The following C3orf38 variants were observed in gnomAD, a reference collection of about 807,000 sequenced individuals.
C3orf38 encodes chromosome 3 open reading frame 38.
C3orf38 carries 18 observed loss-of-function variants against 28.3 expected under a neutral mutation model. That is an observed-to-expected ratio of 0.64 (90% CI 0.44 to 0.94). The LOEUF (loss-of-function observed/expected upper bound fraction) is 0.94. Among genes scored for constraint, C3orf38 ranks in the 40% least tolerant of loss-of-function variants. C3orf38 has a pLI of 0.00. For missense variants in C3orf38, 364 were observed against 396.4 expected (o/e 0.92, Z 0.69); for synonymous variants, 145 against 138.1 (o/e 1.05, Z -0.35).
Position 88,156,663 on chromosome 3 carries a change from A to G in C3orf38, c.*28A>G. The G allele has an allele frequency of 5.0e-6, 8 of 1,591,530 alleles. No individual in the cohort carries two copies. The highest frequency in any genetic ancestry group is 6.8e-6 in the Non-Finnish European group (8 of 1,170,540). ...TAGTGGAAATGAGACATTGCTGAACAAAAGAGAACTGGGTTTACCTGACCC... is the reference window on the plus strand; with the variant it reads ...TAGTGGAAATGAGACATTGCTGAACGAAAGAGAACTGGGTTTACCTGACCC... On this transcript the variant is annotated 3_prime_UTR_variant, in exon 3 of 3. Coordinates refer to ENST00000318887, the MANE Select transcript of C3orf38 (RefSeq NM_173824.4).
At position 88,156,074 on chromosome 3, in the gene C3orf38, A is replaced by G. The variant is rs777303100; in HGVS notation, c.429A>G (p.Glu143=). Residue 143 remains glutamate, a synonymous_variant, in exon 3 of 3, where the codon GAA becomes GAG. Transcript: ENST00000318887. ...AAGTTGATTTTCGTCGCCTAGGAGA[A>G]GAATTCTGTCATTGGTTCTTTGGAC... ...AEKVDFRRLG[E]EFCHWFFGLL... 1 of 1,572,412 alleles carries G rather than the reference A, an allele frequency of 6.4e-7. No homozygotes were observed. The highest frequency in any genetic ancestry group is 8.6e-7 in the Non-Finnish European group (1 of 1,162,802).
intron 2 of C3orf38, among the ~76,000 whole-genome samples, chr3:88,155,151 C>T (rs901869969): frequency 4.6e-5 from 7 of 151,982 alleles, no homozygotes; most frequent in African/African-American, 7.3e-5. Context: ...TGAACCACCA[C>T]GCCCAGCTTA....
In C3orf38 at chr3:88,150,050, G is replaced by C; in HGVS notation, c.-3G>C. The C allele has an allele frequency of 6.2e-7, 1 of 1,614,190 alleles. No homozygotes were observed. The highest frequency in any genetic ancestry group is 1.1e-5 in the South Asian group (1 of 91,084). On this transcript the variant is annotated 5_prime_UTR_variant, in exon 1 of 3. Transcript: ENST00000318887. ...CCGTTGTCTTTCCCCCCCAGTCCCGGGGATGGAGATGTCGGGACTCAGCTT... is the reference window on the plus strand; with the variant it reads ...CCGTTGTCTTTCCCCCCCAGTCCCGCGGATGGAGATGTCGGGACTCAGCTT...
chr3:88,154,348 C>A (rs984489137), intron 2 of C3orf38, among the ~76,000 whole-genome samples: 3 of 149,778 alleles, frequency 2.0e-5, no homozygotes, highest in Non-Finnish European at 3.0e-5. Flanking sequence ...CCCCCGCCCC[C>A]ACATTGGAAC....
intron 2 of C3orf38, among the ~76,000 whole-genome samples, chr3:88,154,257 A>G (rs1310476400): frequency 2.0e-5 from 3 of 152,180 alleles, no homozygotes; most frequent in African/African-American, 4.8e-5. Flanking sequence ...ATAGGTAAAC[A>G]TGTGCCATGG....
At chr3:88,154,580 A>C (rs550741950) in intron 2 of C3orf38, among the ~76,000 whole-genome samples, 1 of 152,330 alleles carries the variant, frequency 6.6e-6, no homozygotes, top group East Asian at 1.9e-4. Context: ...ACAGTGAGAA[A>C]GCTTTGCCTT....
rs1553702736 is a variant in C3orf38, at chr3:88,150,032, C to CG, written c.-21_-20insG. 6.6e-7 allele frequency: 1 copy of CG among 1,523,722 alleles called. No homozygotes were observed. Among genetic ancestry groups the CG allele is most frequent in the East Asian group, 2.4e-5 (1 of 41,128 alleles). The allele number at this position is 1,523,722 out of a possible 1,614,324, so 94.4% of individuals were successfully genotyped here. On this transcript the variant is annotated 5_prime_UTR_variant, in exon 1 of 3. Coordinates refer to ENST00000318887, the MANE Select transcript of C3orf38 (RefSeq NM_173824.4). ...GTAGGGGCGACATTGTTGCCGTTGT[C>CG]TTTCCCCCCCAGTCCCGGGGATGGA...
At position 88,150,201 on chromosome 3, in the gene C3orf38, T is replaced by C; in HGVS notation, c.133+16T>C. The C allele has an allele frequency of 6.2e-7, 1 of 1,612,900 alleles. No homozygotes were observed. The highest frequency in any genetic ancestry group is 1.1e-5 in the South Asian group (1 of 91,070). On this transcript the variant is annotated intron_variant, in intron 1 of 2. Coordinates refer to ENST00000318887, the MANE Select transcript of C3orf38 (RefSeq NM_173824.4). Reference sequence around the variant, plus strand: ...GACCGCCAAGGTAAGGGCGGACCCTTCACCTAGAAGGCTGCCGCCCCTTCC... The same window carrying C: ...GACCGCCAAGGTAAGGGCGGACCCTCCACCTAGAAGGCTGCCGCCCCTTCC...
intron 1 of C3orf38, 85 bp downstream of exon 1, chr3:88,150,270 T>C (rs1707389114): frequency 2.0e-6 from 3 of 1,511,154 alleles, no homozygotes; most frequent in East Asian, 2.3e-5. Context: ...CTCGGGAATG[T>C]TGGCCGCAGC....
At chr3:88,151,022 T>C (rs1175614586) in intron 1 of C3orf38, 7 of 152,246 alleles carry the variant, frequency 4.6e-5, no homozygotes, top group African/African-American at 1.4e-4. Flanking sequence ...TTTAGACTTA[T>C]ATGGTTCTTC....
At chr3:88,153,049 A>G (rs1437340567) in intron 1 of C3orf38, among the ~76,000 whole-genome samples, 181 bp from the exon 2 acceptor site, 2 of 152,338 alleles carry the variant, frequency 1.3e-5, no homozygotes, top group East Asian at 1.9e-4. Context: ...AGTTTAAGGC[A>G]TAAAGATGTT....
In C3orf38 at chr3:88,151,863, A is replaced by G. The variant is rs1409867502; in HGVS notation, c.134-1367A>G. ...TTTATAGCACAATTTAAAACATACC[A>G]AACTAAATATAGTTCAGGGATACAT... is the stretch of plus-strand genomic sequence containing the variant. On this transcript the variant is annotated intron_variant, in intron 1 of 2. Transcript: ENST00000318887. Among the ~76,000 whole-genome samples the G allele has an allele frequency of 3.3e-5, 5 of 152,242 alleles. No individual in the cohort carries two copies. In the South Asian group the frequency reaches 6.2e-4, roughly 19 times the overall value.
chr3:88,153,216 CA>C lies in C3orf38; in HGVS notation c.134-12del, dbSNP rs1168514087. 1.3e-6 allele frequency: 2 copies of C among 1,595,176 alleles called. No individual in the cohort carries two copies. Among genetic ancestry groups the C allele is most frequent in the Admixed American group, 1.8e-5 (1 of 54,618 alleles). On this transcript the variant is annotated splice_polypyrimidine_tract_variant and intron_variant, in intron 1 of 2. Coordinates refer to ENST00000318887, the MANE Select transcript of C3orf38 (RefSeq NM_173824.4). ...CCTCATGATTTTTTATTAATCTTTG[CA>C]ATTTCTTTCTAGATGCTGTTCATGC...
In C3orf38 at chr3:88,150,040, C is replaced by CT. The variant is rs540851058; in HGVS notation, c.-13_-12insT. On this transcript the variant is annotated 5_prime_UTR_variant, in exon 1 of 3. Transcript: ENST00000318887. ...GACATTGTTGCCGTTGTCTTTCCCC[C>CT]CCAGTCCCGGGGATGGAGATGTCGG... 3 of 1,614,078 alleles carry CT rather than the reference C, an allele frequency of 1.9e-6. No individual in the cohort carries two copies. The highest frequency in any genetic ancestry group is 1.7e-4 in the Middle Eastern group (1 of 6,060).
At chr3:88,154,694 A>G (rs1296326204) in intron 2 of C3orf38, among the ~76,000 whole-genome samples, 8 of 152,200 alleles carry the variant, frequency 5.3e-5, no homozygotes, top group Non-Finnish European at 1.2e-4. Flanking sequence ...TCTGCAATAT[A>G]CTAGGTGTGT....
intron 1 of C3orf38, 32 bp downstream of exon 1, chr3:88,150,217 C>T (rs980078735): frequency 5.6e-6 from 9 of 1,610,542 alleles, no homozygotes; most frequent in African/African-American, 2.7e-5. Flanking sequence ...AGAAGGCTGC[C>T]GCCCCTTCCC....
intron 1 of C3orf38, among the ~76,000 whole-genome samples, chr3:88,152,716 C>CTG (rs1375174112): frequency 6.7e-6 from 1 of 150,310 alleles, no homozygotes; most frequent in Admixed American, 6.6e-5. Context: ...GATCGCACCC[C>CTG]TGTGCTCCAG....
At chr3:88,150,297 T>G in intron 1 of C3orf38, 112 bp downstream of exon 1, 4 of 1,296,688 alleles carry the variant, frequency 3.1e-6, no homozygotes, top group East Asian at 2.5e-5. Flanking sequence ...TCCACAGCTC[T>G]GGAACCACTA....
intron 2 of C3orf38, 49 bp downstream of exon 2, chr3:88,153,520 CT>C (rs753868187): frequency 6.3e-7 from 1 of 1,590,716 alleles, no homozygotes; most frequent in Admixed American, 1.8e-5. Flanking sequence ...CTGTCTGAAA[CT>C]TTGTTGATAA....
Sources: gnomAD v4.1 joint callset for allele counts (sites outside exome capture counted in the v4.1 genomes callset) on GRCh38, gnomAD v4.1.1 for gene constraint, MANE v1.5 for transcripts, NCBI Gene and HGNC (gene_info 2026-07-23, HGNC 2026-07-21) for gene names.